LYN: variants seen among roughly 807,000 people sequenced by gnomAD.
LYN encodes the protein tyrosine-protein kinase Lyn.
LYN carries 12 observed loss-of-function variants against 65.0 expected under a neutral mutation model. The observed-to-expected ratio is 0.18, with a 90% CI of 0.12 to 0.30. The LOEUF (loss-of-function observed/expected upper bound fraction) is 0.30. LYN is among the 10% of genes least tolerant of loss of function. LYN has a pLI of 1.00. For missense variants in LYN, 380 were observed against 623.2 expected (o/e 0.61, Z 4.16); for synonymous variants, 222 against 221.2 (o/e 1.00, Z -0.03).
intron 1 of LYN, among the ~76,000 whole-genome samples, chr8:55,925,988 A>G (rs1433431752): frequency 6.6e-6 from 1 of 152,206 alleles, no homozygotes; most frequent in African/African-American, 2.4e-5. Flanking sequence ...AATGTATATA[A>G]AACTTTTTAT....
chr8:55,980,337 G>C (rs923064296), intron 10 of LYN: 1 of 152,092 alleles, frequency 6.6e-6, no homozygotes, highest in Non-Finnish European at 1.5e-5. Context: ...GAGCTGCTCC[G>C]CTTCTGACCT....
At chr8:55,982,054 C>T (rs990900348) in intron 10 of LYN, among the ~76,000 whole-genome samples, 1 of 152,140 alleles carries the variant, frequency 6.6e-6, no homozygotes, top group African/African-American at 2.4e-5. Context: ...AGAGCCCTTT[C>T]TCAGCACCTG....
intron 10 of LYN, among the ~76,000 whole-genome samples, chr8:55,974,282 A>G (rs953662740): frequency 1.3e-4 from 20 of 152,166 alleles, no homozygotes; most frequent in African/African-American, 4.6e-4. Flanking sequence ...TTTCCCCGTT[A>G]TGGATTTTGA....
intron 10 of LYN, among the ~76,000 whole-genome samples, chr8:55,978,854 C>CT (rs1195368594): frequency 6.6e-5 from 10 of 152,142 alleles, no homozygotes; most frequent in Non-Finnish European, 1.5e-4. Flanking sequence ...CTTGGCCTCT[C>CT]TCCCTCTTCC....
intron 8 of LYN, among the ~76,000 whole-genome samples, chr8:55,958,912 T>A (rs60826707): frequency 0.029 from 4,396 of 152,324 alleles, 224 homozygotes; most frequent in African/African-American, 0.1. Context: ...TTTGCCACTG[T>A]GAACATGGGT....
At chr8:55,944,585 A>C (rs1419408809) in intron 2 of LYN, among the ~76,000 whole-genome samples, 3 of 152,156 alleles carry the variant, frequency 2.0e-5, no homozygotes, top group African/African-American at 7.2e-5. Context: ...AGTTCAAGCG[A>C]TTCTCCTGCC....
intron 1 of LYN, among the ~76,000 whole-genome samples, chr8:55,909,918 A>AT (rs963298536): frequency 7.6e-5 from 11 of 144,514 alleles, no homozygotes; most frequent in South Asian, 2.2e-4. Flanking sequence ...ATTTGTATGT[A>AT]TTTTTTTTGA....
rs554404482 is a variant in LYN, at chr8:55,961,930, T to C, written c.791-4785T>C. On this transcript the variant is annotated intron_variant, in intron 8 of 12. Coordinates refer to ENST00000519728, the MANE Select transcript of LYN (RefSeq NM_002350.4). Reference sequence around the variant, plus strand: ...GAGACAACAGCTATTCCGACCTTCCTGATGGTTTTCTGACTTCTTCTTAAT... The same window carrying C: ...GAGACAACAGCTATTCCGACCTTCCCGATGGTTTTCTGACTTCTTCTTAAT... 1.2e-3 allele frequency among the ~76,000 whole-genome samples: 165 copies of C among 141,832 alleles called. 1 individual carries two copies. Among genetic ancestry groups the C allele is most frequent in the South Asian group, 6.6e-3 (27 of 4,070 alleles). The allele number at this position is 141,832 out of a possible 152,430, so 93.0% of individuals were successfully genotyped here.
At chr8:55,942,357 G>A (rs1487214768) in intron 2 of LYN, among the ~76,000 whole-genome samples, 1 of 135,068 alleles carries the variant, frequency 7.4e-6, no homozygotes, top group Non-Finnish European at 1.6e-5. Context: ...ATATATATGT[G>A]TATATATATG....
At position 55,915,314 on chromosome 8, in the gene LYN, A is replaced by G. The variant is rs1032384772; in HGVS notation, c.-5-26541A>G. Among the ~76,000 whole-genome samples the G allele has an allele frequency of 3.9e-5, 6 of 152,232 alleles. No homozygotes were observed. In the South Asian group the frequency reaches 1.0e-3, roughly 26 times the overall value. On this transcript the variant is annotated intron_variant, in intron 1 of 12. Transcript: ENST00000519728. ...GCCTCTGCTATCCAGGTTTATTTATATTAACTATAGTTTGTTTAAATATAT... is the reference window on the plus strand; with the variant it reads ...GCCTCTGCTATCCAGGTTTATTTATGTTAACTATAGTTTGTTTAAATATAT...
intron 1 of LYN, among the ~76,000 whole-genome samples, chr8:55,883,067 CT>C (rs1170940315): frequency 6.6e-6 from 1 of 152,172 alleles, no homozygotes; most frequent in African/African-American, 2.4e-5. Context: ...TCACATTAGC[CT>C]ACTGTTGGAC....
At chr8:55,924,188 T>C (rs1303781125) in intron 1 of LYN, among the ~76,000 whole-genome samples, 1 of 152,056 alleles carries the variant, frequency 6.6e-6, no homozygotes, top group Non-Finnish European at 1.5e-5. Context: ...CCTCTCACGA[T>C]GTGTGAGAGA....
At chr8:55,933,539 T>C (rs1324035810) in intron 1 of LYN, among the ~76,000 whole-genome samples, 1 of 152,256 alleles carries the variant, frequency 6.6e-6, no homozygotes, top group Non-Finnish European at 1.5e-5. Flanking sequence ...ATATGTACTG[T>C]CAAGTTAAAG....
chr8:55,886,825 G>C (rs757627379), intron 1 of LYN, among the ~76,000 whole-genome samples: 1 of 152,210 alleles, frequency 6.6e-6, no homozygotes, highest in African/African-American at 2.4e-5. Context: ...GATTAAATCA[G>C]TATTTGCGAT....
At chr8:55,953,343 T>C (rs1381022267) in intron 7 of LYN, among the ~76,000 whole-genome samples, 2 of 152,212 alleles carry the variant, frequency 1.3e-5, no homozygotes, top group Non-Finnish European at 2.9e-5. Flanking sequence ...ATGTTTTAAA[T>C]GGTTTTTCTT....
rs753621314 is a variant in LYN at position 55,966,867 on chromosome 8, A to G, written c.943A>G (p.Ile315Val). ...LYAVVTREEPIYIITEYMAKG... is the reference protein window; with the variant it reads ...LYAVVTREEPVYIITEYMAKG... ...CGCTGTGGTCACCAGGGAGGAGCCC[A>G]TTTACATCATCACCGAGTACATGGC... is the stretch of plus-strand genomic sequence containing the variant. The change falls in exon 9 of 13, where the codon ATT (isoleucine) becomes GTT (valine). Residue 315 changes from isoleucine (I) to valine (V), a missense_variant. Transcript: ENST00000519728. 6.2e-7 allele frequency: 1 copy of G among 1,614,056 alleles called. No homozygotes were observed. Among genetic ancestry groups the G allele is most frequent in the Non-Finnish European group, 8.5e-7 (1 of 1,179,974 alleles).
chr8:55,923,123 A>T (rs1366276864), intron 1 of LYN, among the ~76,000 whole-genome samples: 1 of 152,170 alleles, frequency 6.6e-6, no homozygotes, highest in Non-Finnish European at 1.5e-5. Context: ...GAATGGTGAG[A>T]AAAAACAATT....
chr8:55,997,159 C>CA (rs11412762), intron 10 of LYN, among the ~76,000 whole-genome samples: 36,182 of 100,156 alleles, frequency 0.36, 5,266 homozygotes, highest in African/African-American at 0.46. Flanking sequence ...GAGACTGTCT[C>CA]AAAAAAAAAA....
chr8:55,967,242 A>G (rs556874248), intron 9 of LYN, among the ~76,000 whole-genome samples: 4 of 151,756 alleles, frequency 2.6e-5, no homozygotes, highest in South Asian at 2.1e-4. Context: ...TAAAATGTGA[A>G]GAGTTCCCAG....
Sources: gnomAD v4.1 joint callset for allele counts (sites outside exome capture counted in the v4.1 genomes callset) on GRCh38, gnomAD v4.1.1 for gene constraint, MANE v1.5 for transcripts, NCBI Gene and HGNC (gene_info 2026-07-23, HGNC 2026-07-21) for gene names.